The following CNTNAP2 variants were observed in gnomAD, a reference collection of about 807,000 sequenced individuals.
CNTNAP2 encodes contactin associated protein 2.
A neutral mutation model predicts 155.2 loss-of-function variants in CNTNAP2; 98 were observed. That is an observed-to-expected ratio of 0.63 (90% CI 0.54 to 0.75). The LOEUF is 0.75. Ranked by LOEUF, CNTNAP2 falls within the 30% of genes least tolerant of loss-of-function variation. The pLI is 0.00. For missense variants in CNTNAP2, 1,727 were observed against 1,688.1 expected (o/e 1.02, Z -0.40); for synonymous variants, 651 against 631.2 (o/e 1.03, Z -0.47).
At chr7:147,714,609 A>G (rs554094794) in intron 13 of CNTNAP2, among the ~76,000 whole-genome samples, 2 of 152,160 alleles carry the variant, frequency 1.3e-5, no homozygotes, top group East Asian at 1.9e-4. Flanking sequence ...TTTTAGGGAA[A>G]AGGAATTGGA....
At chr7:147,689,616 A>G (rs1308439778) in intron 13 of CNTNAP2, among the ~76,000 whole-genome samples, 3 of 152,190 alleles carry the variant, frequency 2.0e-5, no homozygotes, top group African/African-American at 7.2e-5. Flanking sequence ...TCAAAACACC[A>G]AAATATACTT....
At chr7:147,805,213 C>G (rs905447217) in intron 13 of CNTNAP2, among the ~76,000 whole-genome samples, 1 of 151,960 alleles carries the variant, frequency 6.6e-6, no homozygotes, top group African/African-American at 2.4e-5. Flanking sequence ...CTGGGATTAC[C>G]AGCCTGGCCT....
At chr7:146,210,967 C>T (rs1305869889) in intron 1 of CNTNAP2, among the ~76,000 whole-genome samples, 1 of 151,692 alleles carries the variant, frequency 6.6e-6, no homozygotes, top group African/African-American at 2.4e-5. Context: ...GATTTTGCCT[C>T]AATAGTGGAA....
chr7:147,861,140 A>G (rs1799127250), intron 13 of CNTNAP2, among the ~76,000 whole-genome samples: 1 of 152,218 alleles, frequency 6.6e-6, no homozygotes, highest in African/African-American at 2.4e-5. Flanking sequence ...AGAGCAGTCT[A>G]CTGTGAGAAA....
At chr7:146,192,405 A>G (rs183913783) in intron 1 of CNTNAP2, among the ~76,000 whole-genome samples, 3 of 152,288 alleles carry the variant, frequency 2.0e-5, no homozygotes, top group Admixed American at 2.0e-4. Context: ...AAGATTGGGT[A>G]ATTTATAAAG....
chr7:148,242,154 C>CA (rs1255909213), intron 20 of CNTNAP2, among the ~76,000 whole-genome samples: 2 of 152,186 alleles, frequency 1.3e-5, no homozygotes, highest in Non-Finnish European at 2.9e-5. Context: ...TGCAAAGCAT[C>CA]ATACTGTTAT....
At chr7:146,439,056 T>C (rs1322826327) in intron 1 of CNTNAP2, among the ~76,000 whole-genome samples, 1 of 150,682 alleles carries the variant, frequency 6.6e-6, no homozygotes, top group Admixed American at 6.6e-5. Context: ...ATATCACTTT[T>C]TGGATTATTT....
chr7:146,305,220 C>T lies in CNTNAP2; in HGVS notation c.97+188247C>T, dbSNP rs563695647. Among the ~76,000 whole-genome samples, 308 of 152,230 alleles carry T rather than the reference C, an allele frequency of 2.0e-3. 3 individuals are homozygous for T. The highest frequency in any genetic ancestry group is 7.0e-3 in the African/African-American group (289 of 41,540). ...CTTCTTTGCGATGGGTTCGTACATC[C>T]TTCTTTAGCTCAGAGAAGTTTGTTG... On this transcript the variant is annotated intron_variant, in intron 1 of 23. Transcript: ENST00000361727.
At chr7:147,021,379 CATT>C (rs779584237) in intron 3 of CNTNAP2, among the ~76,000 whole-genome samples, 5 of 152,094 alleles carry the variant, frequency 3.3e-5, no homozygotes, top group Non-Finnish European at 5.9e-5. Context: ...CTATAGACAT[CATT>C]ATTTCATAGG....
chr7:146,491,468 T>G (rs2129131242), intron 1 of CNTNAP2, among the ~76,000 whole-genome samples: 1 of 150,634 alleles, frequency 6.6e-6, no homozygotes, highest in East Asian at 1.9e-4. Flanking sequence ...TTATGGGGAC[T>G]TTTGCAACTC....
intron 8 of CNTNAP2, among the ~76,000 whole-genome samples, chr7:147,237,312 A>G (rs1363535672): frequency 2.6e-5 from 4 of 152,020 alleles, no homozygotes; most frequent in Non-Finnish European, 4.4e-5. Flanking sequence ...ACCTCAGGTA[A>G]TTCACCTGCC....
At chr7:148,247,686 C>G (rs890038651) in intron 20 of CNTNAP2, among the ~76,000 whole-genome samples, 2 of 148,036 alleles carry the variant, frequency 1.4e-5, no homozygotes, top group Admixed American at 6.8e-5. Context: ...TAGAGTCCCA[C>G]TCTGTCGCCC....
In CNTNAP2 at chr7:147,802,598, A is replaced by C. The variant is rs535114714; in HGVS notation, c.2099-100967A>C. On this transcript the variant is annotated intron_variant, in intron 13 of 23. Transcript: ENST00000361727. The stretch of plus-strand genomic sequence containing the variant: ...AGACCAGCCCGGCCAACACAGCGAA[A>C]CCCCGTCTCCACCAAAAAAGTACGA... 4.0e-4 allele frequency among the ~76,000 whole-genome samples: 61 copies of C among 151,992 alleles called. 1 individual carries two copies. The highest frequency in any genetic ancestry group is 6.2e-4 in the South Asian group (3 of 4,808).
At chr7:147,924,409 G>A (rs1183164288) in intron 14 of CNTNAP2, among the ~76,000 whole-genome samples, 3 of 152,038 alleles carry the variant, frequency 2.0e-5, no homozygotes, top group Non-Finnish European at 4.4e-5. Flanking sequence ...AAAATGCTGG[G>A]ATTGCAGGTG....
chr7:146,129,312 G>C (rs1041350846), intron 1 of CNTNAP2, among the ~76,000 whole-genome samples: 2 of 152,022 alleles, frequency 1.3e-5, no homozygotes, highest in Admixed American at 1.3e-4. Context: ...GGCATCAATA[G>C]GGCCTTTTTT....
At chr7:147,315,308 G>A (rs1795205361) in intron 9 of CNTNAP2, among the ~76,000 whole-genome samples, 1 of 150,634 alleles carries the variant, frequency 6.6e-6, no homozygotes, top group South Asian at 2.1e-4. Flanking sequence ...TATTCACAGA[G>A]TCTTGTAACT....
chr7:146,759,313 A>G (rs544227233), intron 1 of CNTNAP2, among the ~76,000 whole-genome samples: 1 of 152,246 alleles, frequency 6.6e-6, no homozygotes, highest in African/African-American at 2.4e-5. Flanking sequence ...GCAGTGATCT[A>G]AAAAGTATTT....
intron 1 of CNTNAP2, among the ~76,000 whole-genome samples, chr7:146,519,643 A>T (rs1797589568): frequency 6.6e-6 from 1 of 151,890 alleles, no homozygotes; most frequent in African/African-American, 2.4e-5. Context: ...TGACTTTCAG[A>T]AGTGAACTGA....
intron 1 of CNTNAP2, among the ~76,000 whole-genome samples, chr7:146,488,363 G>A (rs368899478): frequency 6.8e-6 from 1 of 148,008 alleles, no homozygotes; most frequent in Non-Finnish European, 1.5e-5. Flanking sequence ...TTATTCAAGA[G>A]TTATAAGTAG....
Sources: allele counts gnomAD v4.1 joint callset (sites outside exome capture counted in the v4.1 genomes callset), GRCh38; gene constraint gnomAD v4.1.1; transcripts MANE v1.5; gene names NCBI Gene and HGNC (gene_info 2026-07-23, HGNC 2026-07-21).